Variants in DPYD observed in about 807,000 individuals in gnomAD.
DPYD encodes the protein dihydropyrimidine dehydrogenase [NADP(+)].
DPYD carries 109 observed loss-of-function variants against 116.2 expected under a neutral mutation model. That is an observed-to-expected ratio of 0.94 (90% CI 0.80 to 1.10). DPYD has a LOEUF of 1.10. DPYD is among the 50% of genes least tolerant of loss of function. The pLI is 0.00. For synonymous variants in DPYD, 440 were observed against 432.0 expected (o/e 1.02, Z -0.23); for missense variants, 1,302 against 1,254.5 (o/e 1.04, Z -0.57).
chr1:97,589,929 G>A (rs867169338), intron 10 of DPYD, among the ~76,000 whole-genome samples: 23 of 152,174 alleles, frequency 1.5e-4, no homozygotes, highest in African/African-American at 5.3e-4. Flanking sequence ...GGGAGACAGT[G>A]TAGGAGAAAG....
chr1:97,665,176 ATT>A (rs1659491026), intron 8 of DPYD, among the ~76,000 whole-genome samples: 1 of 152,190 alleles, frequency 6.6e-6, no homozygotes, highest in African/African-American at 2.4e-5. Flanking sequence ...AGAGTACTCC[ATT>A]AACCAAATAT....
intron 3 of DPYD, among the ~76,000 whole-genome samples, 197 bp from the exon 4 acceptor site, chr1:97,740,676 G>A (rs543981962): frequency 6.6e-6 from 1 of 152,206 alleles, no homozygotes; most frequent in South Asian, 2.1e-4. Context: ...GCATAAATGA[G>A]AATCATGCTG....
intron 10 of DPYD, among the ~76,000 whole-genome samples, chr1:97,584,012 C>A (rs556294354): frequency 1.3e-5 from 2 of 152,152 alleles, no homozygotes; most frequent in African/African-American, 4.8e-5. Flanking sequence ...AATGGTTGAA[C>A]TAGTTTACAG....
At chr1:97,322,912 G>T (rs952926008) in intron 16 of DPYD, 7 of 151,868 alleles carry the variant, frequency 4.6e-5, no homozygotes, top group South Asian at 2.1e-4. Flanking sequence ...TTAGGAATGG[G>T]TGTCTATTGT....
chr1:97,810,008 C>T (rs1009085988), intron 3 of DPYD, among the ~76,000 whole-genome samples: 3 of 151,926 alleles, frequency 2.0e-5, no homozygotes, highest in East Asian at 1.9e-4. Flanking sequence ...AAGCACCGGC[C>T]GGGCGTGGTG....
chr1:97,699,841 T>A (rs1661496324), intron 5 of DPYD, among the ~76,000 whole-genome samples: 3 of 151,978 alleles, frequency 2.0e-5, no homozygotes, highest in African/African-American at 7.2e-5. Context: ...TACAGCATAA[T>A]CTGTATGTCT....
chr1:97,720,596 T>C, intron 5 of DPYD: 1 of 1,126,092 alleles, frequency 8.9e-7, no homozygotes, highest in East Asian at 5.4e-5. Flanking sequence ...CCTGATTTAT[T>C]ACTAAGAGCA....
chr1:97,215,741 A>G (rs1230344336), intron 19 of DPYD, among the ~76,000 whole-genome samples: 7 of 152,184 alleles, frequency 4.6e-5, no homozygotes, highest in Non-Finnish European at 1.0e-4. Flanking sequence ...AGGCACGCCC[A>G]TGCTTAGGCC....
chr1:97,385,480 G>A (rs573409749), intron 14 of DPYD, among the ~76,000 whole-genome samples: 2 of 148,474 alleles, frequency 1.3e-5, no homozygotes, highest in East Asian at 2.0e-4. Context: ...ACCCTGTGGC[G>A]AAACTGATAA....
intron 20 of DPYD, among the ~76,000 whole-genome samples, chr1:97,159,023 A>T (rs1345731149): frequency 6.6e-6 from 1 of 152,130 alleles, no homozygotes; most frequent in Non-Finnish European, 1.5e-5. Context: ...TACACAGTCC[A>T]GATACAATAT....
At chr1:97,698,254 T>C (rs866341443) in intron 6 of DPYD, among the ~76,000 whole-genome samples, 3 of 151,852 alleles carry the variant, frequency 2.0e-5, no homozygotes, top group Admixed American at 1.3e-4. Flanking sequence ...TGCTTGATGA[T>C]TCAGTCAAAT....
chr1:97,203,793 C>CAAAAAAAAAAAAAAAAAAAAAAAAA (rs56819543), intron 19 of DPYD, among the ~76,000 whole-genome samples: 1 of 65,694 alleles, frequency 1.5e-5, no homozygotes, highest in African/African-American at 5.9e-5. Context: ...ATTCACATTC[C>CAAAAAAAAAAAAAAAAAAAAAAAAA]AAAAAAAAAA....
intron 18 of DPYD, among the ~76,000 whole-genome samples, chr1:97,298,027 A>T (rs1043854255): frequency 1.3e-5 from 2 of 152,138 alleles, no homozygotes; most frequent in African/African-American, 4.8e-5. Context: ...TTTTTCTAAG[A>T]ATTCTGACTT....
At chr1:97,738,307 C>A (rs527900610) in intron 4 of DPYD, among the ~76,000 whole-genome samples, 42 of 152,208 alleles carry the variant, frequency 2.8e-4, no homozygotes, top group African/African-American at 1.0e-3. Flanking sequence ...ACAGCCTGCA[C>A]AAACCAAACA....
chr1:97,196,188 C>T (rs1037162266), intron 19 of DPYD, among the ~76,000 whole-genome samples: 7 of 152,162 alleles, frequency 4.6e-5, no homozygotes, highest in Non-Finnish European at 4.4e-5. Flanking sequence ...TAGCCTCAAC[C>T]TCCTGAGCTC....
At chr1:97,804,714 T>C (rs1668000526) in intron 3 of DPYD, among the ~76,000 whole-genome samples, 1 of 151,802 alleles carries the variant, frequency 6.6e-6, no homozygotes, top group African/African-American at 2.4e-5. Context: ...AAACAGACAC[T>C]TCAGGATAGG....
chr1:97,351,244 C>A (rs1180160680), intron 16 of DPYD, among the ~76,000 whole-genome samples: 1 of 152,050 alleles, frequency 6.6e-6, no homozygotes, highest in African/African-American at 2.4e-5. Flanking sequence ...CATGAACATT[C>A]CACTGCATCT....
intron 19 of DPYD, among the ~76,000 whole-genome samples, chr1:97,216,166 G>C (rs1201160063): frequency 1.3e-5 from 2 of 152,040 alleles, no homozygotes; most frequent in African/African-American, 2.4e-5. Context: ...CTTGTAATTA[G>C]AATCTGTAAA....
intron 13 of DPYD, among the ~76,000 whole-genome samples, chr1:97,494,131 T>C (rs1372206032): frequency 6.6e-6 from 1 of 152,202 alleles, no homozygotes; most frequent in African/African-American, 2.4e-5. Context: ...AACTACCCAA[T>C]GCTAGTTTCA....
Sources: allele counts gnomAD v4.1 joint callset (sites outside exome capture counted in the v4.1 genomes callset), GRCh38; gene constraint gnomAD v4.1.1; transcripts MANE v1.5; gene names NCBI Gene and HGNC (gene_info 2026-07-23, HGNC 2026-07-21).